LDB1: variants seen among roughly 807,000 people sequenced by gnomAD.
LDB1 encodes the protein LIM domain-binding protein 1.
LDB1 carries 6 observed loss-of-function variants against 49.7 expected under a neutral mutation model. That is an observed-to-expected ratio of 0.12 (90% CI 0.07 to 0.24). The LOEUF is 0.24. LDB1 is among the 10% of genes least tolerant of loss of function. The pLI, the probability that LDB1 is intolerant of heterozygous loss-of-function variation, is 1.00. For synonymous variants in LDB1, 233 were observed against 202.0 expected (o/e 1.15, Z -1.30); for missense variants, 341 against 561.7 (o/e 0.61, Z 3.97).
At chr10:102,110,484 C>A in intron 6 of LDB1, 45 bp downstream of exon 6, 1 of 1,574,372 alleles carries the variant, frequency 6.4e-7, no homozygotes, top group South Asian at 1.2e-5. Context: ...GGATGGGAAT[C>A]AAACCCAGGT....
chr10:102,105,527 GATAGGGAGCTTT>G (rs905095236), downstream of LDB1, among the ~76,000 whole-genome samples: 2 of 152,000 alleles, frequency 1.3e-5, no homozygotes, highest in African/African-American at 4.8e-5. Flanking sequence ...AGGGACACTG[GATAGGGAGCTTT>G]ATGGGCACTA....
Position 102,109,819 on chromosome 10 carries a change from C to T in LDB1, c.648+102G>A. Reference sequence around the variant, plus strand: ...AACCTGCTGTTCAGATGAAGAAACCCTAACCCTCTGTCTAAGTAGTCAGTC... The same window carrying T: ...AACCTGCTGTTCAGATGAAGAAACCTTAACCCTCTGTCTAAGTAGTCAGTC... On this transcript the variant is annotated intron_variant, in intron 7 of 10. Coordinates refer to ENST00000673968, the MANE Select transcript of LDB1 (RefSeq NM_001113407.3). This position sits in a 1 kb window ranked among gnomAD's most constrained non-coding sequence, Gnocchi z 5.8. The T allele has an allele frequency of 6.4e-7, 1 of 1,568,828 alleles. No individual in the cohort carries two copies. The highest frequency in any genetic ancestry group is 1.8e-4 in the Middle Eastern group (1 of 5,540).
intron 1 of LDB1, chr10:102,114,421 G>A (rs1030370431): frequency 1.1e-5 from 11 of 986,142 alleles, no homozygotes; most frequent in Non-Finnish European, 1.1e-5. Flanking sequence ...AGAACTGAGG[G>A]GGCCAGGAGA....
intron 1 of LDB1, 74 bp from the exon 2 acceptor site, chr10:102,111,610 G>A: frequency 1.2e-6 from 1 of 845,632 alleles, no homozygotes; most frequent in Non-Finnish European, 1.8e-6. Flanking sequence ...GGGAGTCCAA[G>A]GCAAGAAGAT....
chr10:102,107,792 GAAGATGGAGGC>G lies in LDB1; in HGVS notation c.*290_*300del, dbSNP rs1281016784. ...GGATGGGAAACCCACAATCTGGGGT[GAAGATGGAGGC>G]AAATGCCCTGGGGGGTGGTCAGGAC... On this transcript the variant is annotated 3_prime_UTR_variant, in exon 11 of 11. Coordinates refer to ENST00000673968, the MANE Select transcript of LDB1 (RefSeq NM_001113407.3). The G allele has an allele frequency of 2.2e-6, 1 of 449,040 alleles. No homozygotes were observed. The highest frequency in any genetic ancestry group is 4.2e-5 in the East Asian group (1 of 23,936). The allele number at this position is 449,040 out of a possible 1,614,324, so 27.8% of individuals were successfully genotyped here.
intron 1 of LDB1, among the ~76,000 whole-genome samples, chr10:102,119,104 T>C (rs1315154587): frequency 6.6e-6 from 1 of 152,108 alleles, no homozygotes; most frequent in Non-Finnish European, 1.5e-5. Context: ...GTGAAGTATG[T>C]AGCCAAAGCG....
chr10:102,114,812 G>GGGGCGGCCCC, intron 1 of LDB1: 1 of 929,818 alleles, frequency 1.1e-6, no homozygotes, highest in Non-Finnish European at 1.3e-6. Flanking sequence ...CCTCCGAGCA[G>GGGGCGGCCCC]CCCGCCCGCC....
chr10:102,102,395 T>C (rs975513300), downstream of LDB1, among the ~76,000 whole-genome samples: 8 of 152,160 alleles, frequency 5.3e-5, no homozygotes, highest in African/African-American at 1.9e-4. Flanking sequence ...TTGGGGGTGA[T>C]GGGGAGAAGA....
chr10:102,106,439 T>C (rs2068160533), downstream of LDB1, among the ~76,000 whole-genome samples: 1 of 149,072 alleles, frequency 6.7e-6, no homozygotes, highest in South Asian at 2.1e-4. Context: ...GGGGAAAAGA[T>C]TGCCTTGGAC....
At chr10:102,116,776 A>G (rs2068340634) in intron 1 of LDB1, among the ~76,000 whole-genome samples, 1 of 152,130 alleles carries the variant, frequency 6.6e-6, no homozygotes, top group Admixed American at 6.5e-5. Flanking sequence ...GAAATCTATA[A>G]CATTCAGCCA....
In LDB1 at chr10:102,108,152, T is replaced by G; in HGVS notation, c.1177A>C (p.Lys393Gln). The G allele has an allele frequency of 6.2e-7, 1 of 1,614,122 alleles. No homozygotes were observed. The highest frequency in any genetic ancestry group is 8.5e-7 in the Non-Finnish European group (1 of 1,179,996). The change falls in exon 11 of 11, where the codon AAG becomes CAG. Residue 393 changes from lysine to glutamine, a missense_variant. By Grantham distance (53) the Lys-to-Gln change is moderately conservative. Transcript: ENST00000673968. ...TTGCTTTCTTGGCTGGACGGAGGCTTGCTGTTCCAGGGGCTGTTGGCGCCC... is the reference window on the plus strand; with the variant it reads ...TTGCTTTCTTGGCTGGACGGAGGCTGGCTGTTCCAGGGGCTGTTGGCGCCC... ...ALGANSPWNS[K>Q]PPSSQESKSE...
chr10:102,116,905 GCATTCA>G (rs915312018), intron 1 of LDB1, among the ~76,000 whole-genome samples: 3 of 151,404 alleles, frequency 2.0e-5, no homozygotes, highest in Admixed American at 1.3e-4. Flanking sequence ...TTTCCAAAGT[GCATTCA>G]CAGGCAGTAC....
downstream of LDB1, among the ~76,000 whole-genome samples, chr10:102,104,968 A>G (rs1253783147): frequency 6.6e-6 from 1 of 152,156 alleles, no homozygotes; most frequent in Non-Finnish European, 1.5e-5. Context: ...GGCTCAATGA[A>G]TAATATTTGA....
At chr10:102,114,918 A>G in intron 1 of LDB1, 1 of 866,370 alleles carries the variant, frequency 1.2e-6, no homozygotes, top group Non-Finnish European at 1.4e-6. Flanking sequence ...ACACACACGC[A>G]GCGCCCGCCG....
Position 102,110,586 on chromosome 10 carries a change from G to T in LDB1, c.468C>A (p.Ser156=). 1 of 1,614,028 alleles carries T rather than the reference G, an allele frequency of 6.2e-7. No individual in the cohort carries two copies. Among genetic ancestry groups the T allele is most frequent in the Non-Finnish European group, 8.5e-7 (1 of 1,179,980 alleles). Residue 156 remains serine, a synonymous_variant, in exon 6 of 11, where the codon TCC becomes TCA. Coordinates refer to ENST00000673968, the MANE Select transcript of LDB1 (RefSeq NM_001113407.3). The part of the protein sequence containing the change: ...PKEAFHSNFV[S]LDCDQGSMVT... ...CCATGCTGCCCTGGTCACAGTCGAG[G>T]GACACAAAGTTGCTGTGGAATGCCT...
At position 102,107,541 on chromosome 10, in the gene LDB1, GA is replaced by G. The variant is rs1448233955; in HGVS notation, c.*551del. 1.3e-5 allele frequency: 2 copies of G among 153,740 alleles called. No homozygotes were observed. The highest frequency in any genetic ancestry group is 2.9e-5 in the Non-Finnish European group (2 of 69,098). The allele number at this position is 153,740 out of a possible 1,614,324, so 9.5% of individuals were successfully genotyped here. ...GTAGCTGGACTTTTAATAGGGGGAAGAGGGGGGGACATGAGTGATTTTTTTT... is the reference window on the plus strand; with the variant it reads ...GTAGCTGGACTTTTAATAGGGGGAAGGGGGGGGACATGAGTGATTTTTTTT... On this transcript the variant is annotated 3_prime_UTR_variant, in exon 11 of 11. Transcript: ENST00000673968.
intron 1 of LDB1, among the ~76,000 whole-genome samples, chr10:102,116,980 A>G (rs938566174): frequency 8.6e-6 from 1 of 116,592 alleles, no homozygotes; most frequent in African/African-American, 3.3e-5. Flanking sequence ...TCCTAACAGA[A>G]CCCACTGAGA....
chr10:102,111,464 T>C lies in LDB1; in HGVS notation c.98A>G (p.His33Arg). The C allele has an allele frequency of 1.3e-6, 2 of 1,568,922 alleles. No homozygotes were observed. The highest frequency in any genetic ancestry group is 1.7e-6 in the Non-Finnish European group (2 of 1,155,918). The change falls in exon 2 of 11, where the codon CAT becomes CGT. Residue 33 changes from histidine (H) to arginine (R), a missense_variant. Physicochemically the swap from His to Arg is conservative, Grantham distance 29 (BLOSUM62 0). Coordinates refer to ENST00000673968, the MANE Select transcript of LDB1 (RefSeq NM_001113407.3). ...ATCCCTATCCAGCATGGTGCCGGGA[T>C]GGAAGGGGGGAAAGGCGTTGCCGTT... Reference protein sequence around the residue: ...PPNGNAFPPFHPGTMLDRDVG... With the variant: ...PPNGNAFPPFRPGTMLDRDVG...
Position 102,106,927 on chromosome 10 carries a change from G to C in LDB1, c.*1166C>G, listed in dbSNP as rs904732435. 2.0e-5 allele frequency among the ~76,000 whole-genome samples: 3 copies of C among 152,096 alleles called. No individual in the cohort carries two copies. The highest frequency in any genetic ancestry group is 7.2e-5 in the African/African-American group (3 of 41,406). On this transcript the variant is annotated 3_prime_UTR_variant, in exon 11 of 11. Coordinates refer to ENST00000673968, the MANE Select transcript of LDB1 (RefSeq NM_001113407.3). ...ACCCTCTACCTCTACCTCACCTATGGGGACAGAGGCCTGTTCCTCCCTGGT... is the reference window on the plus strand; with the variant it reads ...ACCCTCTACCTCTACCTCACCTATGCGGACAGAGGCCTGTTCCTCCCTGGT...
Sources: allele counts gnomAD v4.1 joint callset (sites outside exome capture counted in the v4.1 genomes callset), GRCh38; gene constraint gnomAD v4.1.1; non-coding constraint Gnocchi (gnomAD v3.1); transcripts MANE v1.5; gene names NCBI Gene and HGNC (gene_info 2026-07-23, HGNC 2026-07-21).